The following PALLD variants were observed in gnomAD, a reference collection of about 807,000 sequenced individuals.
PALLD encodes the protein palladin, cytoskeletal associated protein.
In PALLD, 61 loss-of-function variants were observed where a neutral mutation model predicts 123.5. The ratio of observed to expected loss-of-function variants is 0.49; its 90% CI spans 0.40 to 0.61. The LOEUF is 0.61. PALLD is among the 20% of genes least tolerant of loss of function. The pLI is 0.00. For synonymous variants in PALLD, 465 were observed against 496.4 expected, an observed-to-expected ratio of 0.94 and a Z score of 0.84; for missense variants, 1,273 against 1,377.0, an observed-to-expected ratio of 0.92 and a Z score of 1.20.
intron 10 of PALLD, among the ~76,000 whole-genome samples, chr4:168,764,898 C>CTT (rs1733453919): frequency 6.6e-6 from 1 of 152,182 alleles, no homozygotes; most frequent in African/African-American, 2.4e-5. Flanking sequence ...TCAGAGCATG[C>CTT]TGAGTGAGCT....
At chr4:168,613,529 T>A (rs751705800) in intron 2 of PALLD, among the ~76,000 whole-genome samples, 20 of 152,216 alleles carry the variant, frequency 1.3e-4, no homozygotes, top group Non-Finnish European at 2.2e-4. Flanking sequence ...GTATTCCAGA[T>A]AACAATGCCA....
At chr4:168,759,202 A>ATGT (rs1223717774) in intron 10 of PALLD, among the ~76,000 whole-genome samples, 2 of 22,304 alleles carry the variant, frequency 9.0e-5, no homozygotes, top group Admixed American at 7.6e-4. Context: ...AAAAAAAAAA[A>ATGT]ATATATATAT....
chr4:168,629,294 G>A (rs1041028831), intron 2 of PALLD, among the ~76,000 whole-genome samples: 6 of 152,106 alleles, frequency 3.9e-5, no homozygotes, highest in Non-Finnish European at 7.4e-5. Context: ...GATTACAGAC[G>A]TGAGCCACCG....
intron 10 of PALLD, among the ~76,000 whole-genome samples, chr4:168,760,294 C>T (rs12504978): frequency 0.35 from 53,182 of 151,534 alleles, 10,304 homozygotes; most frequent in East Asian, 0.67. Flanking sequence ...AACTTGTGAT[C>T]CTCCCTAGTT....
intron 5 of PALLD, 114 bp downstream of exon 5, chr4:168,683,217 G>C: frequency 1.6e-6 from 1 of 613,506 alleles, no homozygotes; most frequent in East Asian, 2.9e-5. Context: ...TATTTTCTAA[G>C]TGGACACAAA....
intron 10 of PALLD, among the ~76,000 whole-genome samples, chr4:168,774,156 A>G (rs1249940579): frequency 6.6e-6 from 1 of 151,772 alleles, no homozygotes; most frequent in Non-Finnish European, 1.5e-5. Context: ...AATTCATTAT[A>G]TAATTTGTAT....
At chr4:168,891,107 C>G in intron 11 of PALLD, 50 bp downstream of exon 11, 6 of 1,560,550 alleles carry the variant, frequency 3.8e-6, no homozygotes, top group East Asian at 4.5e-5. Flanking sequence ...ACCCACATAC[C>G]TTTCTTCCTT....
intron 2 of PALLD, among the ~76,000 whole-genome samples, chr4:168,547,618 G>T (rs969206124): frequency 2.0e-5 from 3 of 147,674 alleles, no homozygotes; most frequent in Admixed American, 2.0e-4. Flanking sequence ...CCTGTAGACT[G>T]AGCTACTCAG....
At chr4:168,921,101 G>A (rs1041782480) in intron 17 of PALLD, among the ~76,000 whole-genome samples, 3 of 152,052 alleles carry the variant, frequency 2.0e-5, no homozygotes, top group African/African-American at 7.2e-5. Context: ...AGTAACATGA[G>A]CTGATACTAA....
intron 2 of PALLD, among the ~76,000 whole-genome samples, chr4:168,570,468 C>T (rs1561258624): frequency 6.6e-6 from 1 of 152,110 alleles, no homozygotes; most frequent in Non-Finnish European, 1.5e-5. Context: ...TAATTGAGTA[C>T]AGCAGGTTAA....
intron 10 of PALLD, among the ~76,000 whole-genome samples, chr4:168,761,641 G>GTTTTTTTTTTT (rs1230404942): frequency 4.3e-4 from 5 of 11,640 alleles, no homozygotes; most frequent in East Asian, 2.3e-3. Context: ...TGTTGTTGTT[G>GTTTTTTTTTTT]TTTGTTTTTT....
chr4:168,656,796 G>A (rs1252174631), intron 2 of PALLD, among the ~76,000 whole-genome samples: 1 of 152,198 alleles, frequency 6.6e-6, no homozygotes, highest in African/African-American at 2.4e-5. Context: ...AACGGTCAAG[G>A]ATACGTGAGA....
chr4:168,685,994 T>C (rs2080870375), intron 6 of PALLD, among the ~76,000 whole-genome samples: 2 of 152,248 alleles, frequency 1.3e-5, no homozygotes, highest in South Asian at 4.1e-4. Flanking sequence ...TGCTTCCATA[T>C]AGCATTTCTT....
chr4:168,761,645 G>GTTTGTTTTT (rs1561493717), intron 10 of PALLD, among the ~76,000 whole-genome samples: 2 of 88,016 alleles, frequency 2.3e-5, no homozygotes, highest in African/African-American at 4.1e-5. Context: ...GTTGTTGTTT[G>GTTTGTTTTT]TTTTTTTTTT....
At chr4:168,590,076 G>A (rs542720717) in intron 2 of PALLD, among the ~76,000 whole-genome samples, 2 of 152,344 alleles carry the variant, frequency 1.3e-5, no homozygotes, top group South Asian at 2.1e-4. Flanking sequence ...AGTGGCTCAC[G>A]CCTGTAATCC....
At chr4:168,633,960 TAATA>T (rs1441950158) in intron 2 of PALLD, among the ~76,000 whole-genome samples, 1 of 152,142 alleles carries the variant, frequency 6.6e-6, no homozygotes, top group African/African-American at 2.4e-5. Context: ...AAAATAATAA[TAATA>T]AATAAACAAA....
At chr4:168,715,914 C>CACT (rs1447231660) in intron 10 of PALLD, among the ~76,000 whole-genome samples, 8 of 149,526 alleles carry the variant, frequency 5.4e-5, no homozygotes, top group African/African-American at 2.0e-4. Context: ...AGCGCCACTG[C>CACT]CCTCCACCCT....
At chr4:168,859,026 A>ATT (rs1410519269) in intron 10 of PALLD, among the ~76,000 whole-genome samples, 1 of 152,224 alleles carries the variant, frequency 6.6e-6, no homozygotes, top group African/African-American at 2.4e-5. Flanking sequence ...AAATGTATTT[A>ATT]TAAACTGGAG....
intron 10 of PALLD, among the ~76,000 whole-genome samples, chr4:168,855,336 G>A (rs575824583): frequency 6.2e-4 from 95 of 152,212 alleles, no homozygotes; most frequent in African/African-American, 1.9e-3. Flanking sequence ...TGATCCACCC[G>A]CCTCGGCCTC....
Sources: allele counts gnomAD v4.1 joint callset (sites outside exome capture counted in the v4.1 genomes callset), GRCh38; gene constraint gnomAD v4.1.1; transcripts MANE v1.5; gene names NCBI Gene and HGNC (gene_info 2026-07-23, HGNC 2026-07-21).